Variants in SEC24B observed in about 807,000 individuals in gnomAD.
The protein encoded by SEC24B is protein transport protein Sec24B.
Under a neutral mutation model 142.8 loss-of-function variants are expected in SEC24B, and 45 were observed. The observed-to-expected ratio is 0.32, with a 90% CI of 0.25 to 0.40. The LOEUF (loss-of-function observed/expected upper bound fraction) is 0.40. Ranked by LOEUF, SEC24B falls within the 10% of genes least tolerant of loss-of-function variation. The pLI, the probability that SEC24B is intolerant of heterozygous loss-of-function variation, is 1.00. For missense variants in SEC24B, 1,409 were observed against 1,526.8 expected (o/e 0.92, Z 1.29); for synonymous variants, 574 against 568.2 (o/e 1.01, Z -0.15).
chr4:109,496,657 C>T (rs547527988), intron 6 of SEC24B, among the ~76,000 whole-genome samples: 4 of 151,602 alleles, frequency 2.6e-5, no homozygotes, highest in Admixed American at 1.3e-4. Context: ...AGGGGTGGGG[C>T]AAAAGAAAAA....
chr4:109,457,720 T>C (rs908649222), intron 1 of SEC24B, among the ~76,000 whole-genome samples: 1 of 152,260 alleles, frequency 6.6e-6, no homozygotes, highest in East Asian at 1.9e-4. Flanking sequence ...CTTGTCTCAC[T>C]GTTGGCATTC....
intron 1 of SEC24B, among the ~76,000 whole-genome samples, chr4:109,440,618 G>A (rs1419196507): frequency 6.6e-6 from 1 of 152,156 alleles, no homozygotes; most frequent in Non-Finnish European, 1.5e-5. Context: ...TTCTTACAGA[G>A]TTGTTTATAG....
At chr4:109,450,294 A>G (rs555839086) in intron 1 of SEC24B, among the ~76,000 whole-genome samples, 5 of 152,308 alleles carry the variant, frequency 3.3e-5, no homozygotes, top group Non-Finnish European at 5.9e-5. Flanking sequence ...TTATGTTCAA[A>G]TCACCACAGT....
intron 2 of SEC24B, among the ~76,000 whole-genome samples, chr4:109,467,258 G>A (rs927090350): frequency 9.3e-5 from 14 of 149,990 alleles, no homozygotes; most frequent in African/African-American, 1.2e-4. Flanking sequence ...CCCGGGAGGC[G>A]GAGCTTGCAG....
intron 2 of SEC24B, among the ~76,000 whole-genome samples, chr4:109,471,952 T>C (rs1052765600): frequency 6.6e-6 from 1 of 152,242 alleles, no homozygotes; most frequent in African/African-American, 2.4e-5. Flanking sequence ...AAAGGAACTG[T>C]AAAATATTGT....
chr4:109,524,873 G>A lies in SEC24B; in HGVS notation c.2564G>A (p.Cys855Tyr). The part of the protein sequence containing the change: ...TDFYKKLALD[C>Y]SGQQTAVDLF... ...TTTTATAAGAAACTTGCATTAGATT[G>A]CTCGGGACAGCAAACTGCAGTGGAT... The change falls in exon 15 of 24, where the codon TGC (cysteine) becomes TAC (tyrosine). Residue 855 changes from cysteine to tyrosine, a missense_variant. By Grantham distance (194) the Cys-to-Tyr change is radical (BLOSUM62 -2). Transcript: ENST00000265175. 6.2e-7 allele frequency: 1 copy of A among 1,612,470 alleles called. No homozygotes were observed.
chr4:109,480,878 C>G (rs1335447157), intron 3 of SEC24B, among the ~76,000 whole-genome samples: 1 of 152,050 alleles, frequency 6.6e-6, no homozygotes, highest in African/African-American at 2.4e-5. Flanking sequence ...ATAGAAATAC[C>G]CAATTACATT....
chr4:109,448,957 T>G (rs567596491), intron 1 of SEC24B, among the ~76,000 whole-genome samples: 2 of 152,134 alleles, frequency 1.3e-5, no homozygotes, highest in African/African-American at 4.8e-5. Context: ...TCCAATGACT[T>G]CCTCGTTTTT....
At chr4:109,501,768 G>A (rs988558545) in intron 6 of SEC24B, among the ~76,000 whole-genome samples, 7 of 152,150 alleles carry the variant, frequency 4.6e-5, no homozygotes, top group African/African-American at 1.2e-4. Context: ...CACTGCATCC[G>A]GCCAGCATTT....
At chr4:109,436,855 A>G (rs1364926552) in intron 1 of SEC24B, among the ~76,000 whole-genome samples, 1 of 152,226 alleles carries the variant, frequency 6.6e-6, no homozygotes, top group Admixed American at 6.5e-5. Context: ...GGGTGGCGGC[A>G]CCTGCCCCCA....
intron 14 of SEC24B, 25 bp downstream of exon 14, chr4:109,521,651 A>C: frequency 3.4e-6 from 5 of 1,464,184 alleles, no homozygotes; most frequent in Non-Finnish European, 4.7e-6. Flanking sequence ...GTTTTTTGTC[A>C]TATTCAAGAT....
chr4:109,530,997 G>T (rs546848690), intron 19 of SEC24B, among the ~76,000 whole-genome samples: 1 of 150,974 alleles, frequency 6.6e-6, no homozygotes, highest in South Asian at 2.1e-4. Flanking sequence ...TCTTTAATGT[G>T]TGTGAGCAGT....
At chr4:109,455,925 C>T (rs1730620801) in intron 1 of SEC24B, among the ~76,000 whole-genome samples, 1 of 152,082 alleles carries the variant, frequency 6.6e-6, no homozygotes, top group African/African-American at 2.4e-5. Flanking sequence ...AAAAAACCTG[C>T]TGGTGTTGTT....
chr4:109,509,908 G>T, intron 7 of SEC24B, 101 bp from the exon 8 acceptor site: 1 of 646,820 alleles, frequency 1.5e-6, no homozygotes. Context: ...ATGCCCAAAT[G>T]ATTTTCACTT....
chr4:109,471,849 G>C (rs888928594), intron 2 of SEC24B, among the ~76,000 whole-genome samples: 1 of 152,156 alleles, frequency 6.6e-6, no homozygotes, highest in Non-Finnish European at 1.5e-5. Context: ...TCTGGGACTT[G>C]TACACTTTTA....
intron 11 of SEC24B, among the ~76,000 whole-genome samples, chr4:109,519,916 T>C (rs1349181854): frequency 1.3e-5 from 2 of 152,236 alleles, no homozygotes; most frequent in South Asian, 4.1e-4. Context: ...ATCTATCTTA[T>C]TAATAAAGAA....
At chr4:109,489,296 T>G (rs1317483898) in intron 4 of SEC24B, among the ~76,000 whole-genome samples, 1 of 152,090 alleles carries the variant, frequency 6.6e-6, no homozygotes, top group East Asian at 1.9e-4. Context: ...TTTGTTCTTC[T>G]GCGTGTGGAT....
At position 109,522,026 on chromosome 4, in the gene SEC24B, C is replaced by T. The variant is rs375362306; in HGVS notation, c.2508+400C>T. Among the ~76,000 whole-genome samples, 45 of 150,166 alleles carry T rather than the reference C, an allele frequency of 3.0e-4. 1 individual carries two copies. In the South Asian group the frequency reaches 8.3e-3, roughly 28 times the overall value. Reference sequence around the variant, plus strand: ...GATTACAGGCATGAGCTACTGCGCCCGGCTGCCTGAGAGTTTTTTGTTTTG... The same window carrying T: ...GATTACAGGCATGAGCTACTGCGCCTGGCTGCCTGAGAGTTTTTTGTTTTG... On this transcript the variant is annotated intron_variant, in intron 14 of 23. Transcript: ENST00000265175.
chr4:109,471,086 T>TAC (rs1163609732), intron 2 of SEC24B, among the ~76,000 whole-genome samples: 3 of 144,134 alleles, frequency 2.1e-5, no homozygotes, highest in African/African-American at 3.0e-5. Context: ...TATGTATATA[T>TAC]ACACATACAT....
Sources: allele counts gnomAD v4.1 joint callset (sites outside exome capture counted in the v4.1 genomes callset), GRCh38; gene constraint gnomAD v4.1.1; transcripts MANE v1.5; gene names NCBI Gene and HGNC (gene_info 2026-07-23, HGNC 2026-07-21).